The following TMEM145 variants were observed in gnomAD, a reference collection of about 807,000 sequenced individuals.
The protein encoded by TMEM145 is transmembrane protein 145.
TMEM145 carries 46 observed loss-of-function variants against 68.5 expected under a neutral mutation model. That is an observed-to-expected ratio of 0.67 (90% CI 0.53 to 0.86). TMEM145 has a LOEUF of 0.86. Ranked by LOEUF, TMEM145 falls within the 40% of genes least tolerant of loss-of-function variation. TMEM145 has a pLI of 0.00. For missense variants in TMEM145, 570 were observed against 645.8 expected, an observed-to-expected ratio of 0.88 and a Z score of 1.27; for synonymous variants, 255 against 280.2, an observed-to-expected ratio of 0.91 and a Z score of 0.90.
rs1051967526 is a variant in TMEM145 at position 42,316,542 on chromosome 19, C to T, written c.708C>T (p.Asn236=). 17 of 1,614,034 alleles carry T rather than the reference C, an allele frequency of 1.1e-5. No individual in the cohort carries two copies. The East Asian group carries it at 1.6e-4, about 15-fold the overall frequency. ...AATATGCCACCGATGGCATTGGCAA[C>T]GAGAGTGTGAAGATCTTGGGTGAGA... ...WGQYATDGIG[N]ESVKILAKLL... The change falls in exon 9 of 15, where the codon AAC becomes AAT. Residue 236 remains asparagine, a synonymous_variant. Transcript: ENST00000301204.
Position 42,313,417 on chromosome 19 carries a change from C to T in TMEM145, c.41C>T (p.Pro14Leu). The T allele has an allele frequency of 1.5e-6, 2 of 1,366,918 alleles. No individual in the cohort carries two copies. Among genetic ancestry groups the T allele is most frequent in the Middle Eastern group, 2.7e-4 (1 of 3,676 alleles). The allele number at this position is 1,366,918 out of a possible 1,614,324, so 84.7% of individuals were successfully genotyped here. A position where few individuals can be genotyped will look rare whatever the true frequency, so the allele number is the denominator to read the frequency against. ...GCGCCCGCGCTGCGCCGCCTGCTGC[C>T]GCCGCTGCTGCTCCTGCTGCTGTCA... Reference protein sequence around the residue: ...LRAPALRRLLPPLLLLLLSLP... With the variant: ...LRAPALRRLLLPLLLLLLSLP... The change falls in exon 1 of 15, where the codon CCG becomes CTG. Residue 14 changes from proline to leucine, a missense_variant. Transcript: ENST00000301204. This position sits in a 1 kb window ranked among gnomAD's most constrained non-coding sequence, Gnocchi z 5.1.
chr19:42,324,412 G>A, intron 14 of TMEM145: 1 of 985,314 alleles, frequency 1.0e-6, no homozygotes, highest in Non-Finnish European at 1.2e-6. Flanking sequence ...ACTCGGGCTG[G>A]GACGGCCCGA....
intron 14 of TMEM145, 89 bp downstream of exon 14, chr19:42,323,878 C>T: frequency 1.7e-6 from 2 of 1,200,356 alleles, no homozygotes; most frequent in Non-Finnish European, 2.4e-6. Flanking sequence ...CCGCCCCCAG[C>T]GCCCGGACCC....
In TMEM145 at chr19:42,316,887, C is replaced by G; in HGVS notation, c.824C>G (p.Ala275Gly). 3 of 1,613,626 alleles carry G rather than the reference C, an allele frequency of 1.9e-6. No homozygotes were observed. Among genetic ancestry groups the G allele is most frequent in the Non-Finnish European group, 2.5e-6 (3 of 1,179,938 alleles). Reference sequence around the variant, plus strand: ...GCTGCCAGGGGCCGCATCAGCCACGCGGGCTCCGTGAAGTTGTCTGTCTAC... The same window carrying G: ...GCTGCCAGGGGCCGCATCAGCCACGGGGGCTCCGTGAAGTTGTCTGTCTAC... ...FTVTRGRISH[A>G]GSVKLSVYMT... Residue 275 changes from alanine to glycine, a missense_variant, in exon 11 of 15, where the codon GCG becomes GGG. Ala to Gly is a moderately conservative substitution (Grantham distance 60). Coordinates refer to ENST00000301204, the MANE Select transcript of TMEM145 (RefSeq NM_173633.3).
intron 12 of TMEM145, 152 bp from the exon 13 acceptor site, chr19:42,320,165 T>A: frequency 9.4e-7 from 1 of 1,064,820 alleles, no homozygotes; most frequent in East Asian, 2.4e-5. Context: ...TCCTGCCCCA[T>A]TTCAGTCTCT....
In TMEM145 at chr19:42,320,326, G is replaced by A. The variant is rs1295281141; in HGVS notation, c.1083G>A (p.Ala361=). Reference sequence around the variant, plus strand: ...AATACTTCCCCTTCAGGTTCTTTGCGGTTCCTGTCATGGCCCTGATTGCCA... The same window carrying A: ...AATACTTCCCCTTCAGGTTCTTTGCAGTTCCTGTCATGGCCCTGATTGCCA... ...FFAAYTLWFF[A]VPVMALIANF... Residue 361 remains alanine, a synonymous_variant, in exon 13 of 15, where the codon GCG becomes GCA. Transcript: ENST00000301204. 2.5e-6 allele frequency: 4 copies of A among 1,614,032 alleles called. No homozygotes were observed. Among genetic ancestry groups the A allele is most frequent in the East Asian group, 2.2e-5 (1 of 44,888 alleles).
At chr19:42,319,751 TTTC>T (rs901620152) in intron 12 of TMEM145, among the ~76,000 whole-genome samples, 4 of 138,788 alleles carry the variant, frequency 2.9e-5, no homozygotes, top group Non-Finnish European at 6.3e-5. Context: ...CCCGGCCTGA[TTTC>T]TTCTTTTTTT....
At chr19:42,314,754 C>T in intron 4 of TMEM145, 38 bp from the exon 5 acceptor site, 1 of 1,613,806 alleles carries the variant, frequency 6.2e-7, no homozygotes, top group Non-Finnish European at 8.5e-7. Flanking sequence ...GCCTTCGGGG[C>T]ATCAAGGACA....
Position 42,313,327 on chromosome 19 carries a change from T to C in TMEM145, c.-50T>C, listed in dbSNP as rs368028340. The C allele has an allele frequency of 1.5e-4, 113 of 743,580 alleles. No individual in the cohort carries two copies. In the African/African-American group the frequency reaches 1.9e-3, roughly 12 times the overall value. The allele number at this position is 743,580 out of a possible 1,614,324, so 46.1% of individuals were successfully genotyped here. ...CCAGCCCGCGCGCTCTCGCCTCCAT[T>C]GCCGGGCCAGTGCGGGAGCCGGAGC... is the stretch of plus-strand genomic sequence containing the variant. On this transcript the variant is annotated 5_prime_UTR_variant, in exon 1 of 15. Coordinates refer to ENST00000301204, the MANE Select transcript of TMEM145 (RefSeq NM_173633.3). The surrounding 1 kb of genome is among the most constrained non-coding windows in gnomAD (Gnocchi z 5.1).
rs371586536 is a variant in TMEM145 at position 42,317,790 on chromosome 19, G to C, written c.982G>C (p.Val328Leu). Residue 328 changes from valine to leucine, a missense_variant, in exon 12 of 15, where the codon GTG (valine) becomes CTG (leucine). Transcript: ENST00000301204. ...CATTGGACTGCAGGTGGCGGCCTAC[G>C]TGTGGTTCTGCTATGCTGTGCTTGT... is the stretch of plus-strand genomic sequence containing the variant. ...GLIGLQVAAY[V>L]WFCYAVLVSL... The C allele has an allele frequency of 6.2e-7, 1 of 1,614,206 alleles. No homozygotes were observed. Among genetic ancestry groups the C allele is most frequent in the South Asian group, 1.1e-5 (1 of 91,082 alleles).
Position 42,316,466 on chromosome 19 carries a change from C to T in TMEM145, c.647-15C>T. On this transcript the variant is annotated splice_polypyrimidine_tract_variant and intron_variant, in intron 8 of 14. Coordinates refer to ENST00000301204, the MANE Select transcript of TMEM145 (RefSeq NM_173633.3). ...CTGCTTTCTATCCTTTCTTATCTGC[C>T]CATCCTCCCCTCAGTCCTGAGCCTC... The T allele has an allele frequency of 6.2e-7, 1 of 1,613,264 alleles. No individual in the cohort carries two copies. Among genetic ancestry groups the T allele is most frequent in the Non-Finnish European group, 8.5e-7 (1 of 1,179,202 alleles).
At chr19:42,321,733 C>G (rs1306170117) in intron 13 of TMEM145, 1 of 152,170 alleles carries the variant, frequency 6.6e-6, no homozygotes, top group Non-Finnish European at 1.5e-5. Flanking sequence ...TCCTATCTGA[C>G]ATTCTTGGTG....
chr19:42,315,065 G>A lies in TMEM145; in HGVS notation c.493G>A (p.Ala165Thr), dbSNP rs200045960. ...GTCCTTCTGGACACGACACTTCTCC[G>A]CTGATGAGTTTGGTGAGCACGTGGG... ...GKSFWTRHFS[A>T]DEFGILETDV... The change falls in exon 6 of 15, where the codon GCT becomes ACT. Residue 165 changes from alanine (A) to threonine (T), a missense_variant. Coordinates refer to ENST00000301204, the MANE Select transcript of TMEM145 (RefSeq NM_173633.3). 1.4e-5 allele frequency: 23 copies of A among 1,614,152 alleles called. No homozygotes were observed. The Admixed American group carries it at 2.5e-4, about 18-fold the overall frequency.
rs982969477 is a variant in TMEM145, at chr19:42,313,450, C to G, written c.74C>G (p.Pro25Arg). The change falls in exon 1 of 15, where the codon CCC becomes CGC. Residue 25 changes from proline to arginine, a missense_variant. Coordinates refer to ENST00000301204, the MANE Select transcript of TMEM145 (RefSeq NM_173633.3). The surrounding 1 kb of genome is among the most constrained non-coding windows in gnomAD (Gnocchi z 5.1). ...PLLLLLLSLP[P>R]RARAKYVRGN... ...CTGCTCCTGCTGCTGTCACTGCCCC[C>G]CCGCGCCCGGGCCAAGTACGTGCGG... 1.4e-5 allele frequency: 19 copies of G among 1,373,022 alleles called. No individual in the cohort carries two copies. The Admixed American group carries it at 1.4e-4, about 10-fold the overall frequency. The allele number at this position is 1,373,022 out of a possible 1,614,324, so 85.1% of individuals were successfully genotyped here.
intron 14 of TMEM145, 54 bp from the exon 15 acceptor site, chr19:42,324,683 C>A: frequency 1.5e-6 from 1 of 661,258 alleles, no homozygotes; most frequent in Non-Finnish European, 2.0e-6. Context: ...CCGCCCCCCT[C>A]CCCTCTGTGC....
chr19:42,314,997 A>G lies in TMEM145; in HGVS notation c.425A>G (p.Asp142Gly). ...CSSGRSFRSG[D>G]GLQLEYEMVL... Reference sequence around the variant, plus strand: ...AGGCCTCCCTACCCCCCACAGGGTGATGGATTGCAGCTGGAGTATGAGATG... The same window carrying G: ...AGGCCTCCCTACCCCCCACAGGGTGGTGGATTGCAGCTGGAGTATGAGATG... The change falls in exon 6 of 15, where the codon GAT (aspartate) becomes GGT (glycine). Residue 142 changes from aspartate to glycine, a missense_variant. Coordinates refer to ENST00000301204, the MANE Select transcript of TMEM145 (RefSeq NM_173633.3). The G allele has an allele frequency of 6.2e-7, 1 of 1,613,778 alleles. No homozygotes were observed. The highest frequency in any genetic ancestry group is 8.5e-7 in the Non-Finnish European group (1 of 1,179,894).
At position 42,313,965 on chromosome 19, in the gene TMEM145, A is replaced by T. The variant is rs1232346354; in HGVS notation, c.121-307A>T. Among the ~76,000 whole-genome samples the T allele has an allele frequency of 6.6e-6, 1 of 151,956 alleles. No homozygotes were observed. The highest frequency in any genetic ancestry group is 1.5e-5 in the Non-Finnish European group (1 of 67,990). On this transcript the variant is annotated intron_variant, in intron 1 of 14. Coordinates refer to ENST00000301204, the MANE Select transcript of TMEM145 (RefSeq NM_173633.3). The surrounding 1 kb of genome is among the most constrained non-coding windows in gnomAD (Gnocchi z 5.1). ...AACGGGGTTAGATATTGGCCAGGAC[A>T]TGAGGTGGCCAGGATGAGCATCTGG...
At chr19:42,317,661 T>C (rs192732003) in intron 11 of TMEM145, 48 bp from the exon 12 acceptor site, 1 of 1,606,466 alleles carries the variant, frequency 6.2e-7, no homozygotes, top group Non-Finnish European at 8.5e-7. Flanking sequence ...GGGACCCTAA[T>C]AGAGGGGAGG....
At chr19:42,321,972 C>T (rs569434714) in intron 13 of TMEM145, among the ~76,000 whole-genome samples, 4 of 152,288 alleles carry the variant, frequency 2.6e-5, no homozygotes, top group South Asian at 2.1e-4. Flanking sequence ...TGGCCTTTGG[C>T]GGCAGGCAAA....
Sources: allele counts gnomAD v4.1 joint callset (sites outside exome capture counted in the v4.1 genomes callset), GRCh38; gene constraint gnomAD v4.1.1; non-coding constraint Gnocchi (gnomAD v3.1); transcripts MANE v1.5; gene names NCBI Gene and HGNC (gene_info 2026-07-23, HGNC 2026-07-21).